ADAMTSL1: variants seen among roughly 807,000 people sequenced by gnomAD.
ADAMTSL1 encodes the protein ADAMTS like 1.
Under a neutral mutation model 201.8 loss-of-function variants are expected in ADAMTSL1, and 126 were observed. That is an observed-to-expected ratio of 0.62 (90% CI 0.54 to 0.72). The LOEUF is 0.72. ADAMTSL1 is among the 30% of genes least tolerant of loss of function. ADAMTSL1 has a pLI of 0.00. For synonymous variants in ADAMTSL1, 1,121 were observed against 903.4 expected, an observed-to-expected ratio of 1.24 and a Z score of -4.32; for missense variants, 2,679 against 2,277.8, an observed-to-expected ratio of 1.18 and a Z score of -3.59.
intron 16 of ADAMTSL1, among the ~76,000 whole-genome samples, chr9:18,762,238 G>A (rs1419508723): frequency 6.6e-6 from 1 of 152,150 alleles, no homozygotes; most frequent in Non-Finnish European, 1.5e-5. Context: ...TAAACAATGA[G>A]CCCTTATAGA....
intron 5 of ADAMTSL1, among the ~76,000 whole-genome samples, chr9:18,632,422 G>T (rs903674555): frequency 5.3e-5 from 8 of 152,116 alleles, no homozygotes; most frequent in Non-Finnish European, 1.0e-4. Flanking sequence ...ATAAGAAAAA[G>T]TTTTTATGGA....
intron 2 of ADAMTSL1, among the ~76,000 whole-genome samples, chr9:18,254,344 G>GGTTTTTTTTT (rs1831585080): frequency 9.1e-5 from 5 of 55,086 alleles, no homozygotes; most frequent in Non-Finnish European, 1.9e-4. Context: ...TACTCTTTTT[G>GGTTTTTTTTT]GTTTTTTTTT....
chr9:18,744,188 T>C (rs942802332), intron 15 of ADAMTSL1, among the ~76,000 whole-genome samples: 2 of 152,272 alleles, frequency 1.3e-5, no homozygotes, highest in Admixed American at 1.3e-4. Context: ...GCACGTTTTC[T>C]GAACTCTTGC....
intron 13 of ADAMTSL1, among the ~76,000 whole-genome samples, chr9:18,690,825 A>G (rs1587908830): frequency 6.6e-6 from 1 of 152,198 alleles, no homozygotes; most frequent in African/African-American, 2.4e-5. Flanking sequence ...AGTGCTTAAT[A>G]TAATTTCTTG....
At chr9:18,570,379 T>G (rs1228377329) in intron 3 of ADAMTSL1, among the ~76,000 whole-genome samples, 1 of 152,250 alleles carries the variant, frequency 6.6e-6, no homozygotes, top group African/African-American at 2.4e-5. Flanking sequence ...GAGGCTACAA[T>G]GACTACTTGA....
chr9:18,660,441 C>G (rs1829007445), intron 8 of ADAMTSL1, among the ~76,000 whole-genome samples: 1 of 152,160 alleles, frequency 6.6e-6, no homozygotes, highest in African/African-American at 2.4e-5. Context: ...CATTTTTGCT[C>G]TAACTCTTCA....
chr9:18,593,083 C>T (rs1824030794), intron 4 of ADAMTSL1, among the ~76,000 whole-genome samples: 1 of 152,228 alleles, frequency 6.6e-6, no homozygotes, highest in Admixed American at 6.5e-5. Flanking sequence ...GGCAACTTTG[C>T]TGAATTTGTT....
chr9:18,442,737 C>T (rs1011087037), intron 2 of ADAMTSL1, among the ~76,000 whole-genome samples: 3 of 152,094 alleles, frequency 2.0e-5, no homozygotes, highest in African/African-American at 7.2e-5. Context: ...TATCTTTAAA[C>T]GTTTTAAGAA....
intron 20 of ADAMTSL1, among the ~76,000 whole-genome samples, chr9:18,810,721 G>C (rs1823447183): frequency 6.6e-6 from 1 of 152,076 alleles, no homozygotes; most frequent in Admixed American, 6.5e-5. Context: ...ATGAAGTTCT[G>C]TATTTTATTC....
intron 23 of ADAMTSL1, among the ~76,000 whole-genome samples, chr9:18,849,334 G>T (rs1052285705): frequency 3.3e-5 from 5 of 152,098 alleles, no homozygotes; most frequent in Non-Finnish European, 7.3e-5. Flanking sequence ...CCTATAGCCT[G>T]GATTTTTCTT....
At chr9:18,624,952 G>A (rs981641709) in intron 5 of ADAMTSL1, among the ~76,000 whole-genome samples, 39 of 152,164 alleles carry the variant, frequency 2.6e-4, no homozygotes, top group Non-Finnish European at 7.3e-5. Context: ...TATCAATAAA[G>A]CCCACCATAT....
intron 2 of ADAMTSL1, among the ~76,000 whole-genome samples, chr9:18,391,824 CTTTTT>C (rs11407945): frequency 8.6e-6 from 1 of 116,740 alleles, no homozygotes; most frequent in East Asian, 2.5e-4. Flanking sequence ...TCTTTTCTTT[CTTTTT>C]TTTTTTTTTT....
intron 1 of ADAMTSL1, among the ~76,000 whole-genome samples, chr9:18,483,601 G>A (rs374677000): frequency 1.3e-5 from 2 of 152,198 alleles, no homozygotes; most frequent in Non-Finnish European, 2.9e-5. Flanking sequence ...TCCAAGGCAG[G>A]TGGATCAGGA....
intron 2 of ADAMTSL1, among the ~76,000 whole-genome samples, chr9:18,180,859 G>C (rs1447368364): frequency 1.3e-5 from 2 of 152,130 alleles, no homozygotes; most frequent in African/African-American, 4.8e-5. Context: ...CAAAGCTGGA[G>C]GCATCACACT....
At chr9:18,474,420 AT>A in intron 1 of ADAMTSL1, 125 bp downstream of exon 1, 1 of 934,228 alleles carries the variant, frequency 1.1e-6, no homozygotes, top group Non-Finnish European at 1.7e-6. Flanking sequence ...AGGTAAAATA[AT>A]TTACACGATT....
intron 2 of ADAMTSL1, among the ~76,000 whole-genome samples, chr9:18,200,070 G>C (rs188571687): frequency 6.6e-6 from 1 of 152,104 alleles, no homozygotes. Context: ...TGTTGAGAGA[G>C]AAGAGGAACC....
chr9:18,490,203 G>A lies in ADAMTSL1; in HGVS notation c.64-14626G>A, dbSNP rs534732405. ...TGGCCAGAGCTGGAAGCAGGCTGGG[G>A]TCCCAGTTGTGTATCACATAGAAGA... On this transcript the variant is annotated intron_variant, in intron 1 of 28. Transcript: ENST00000380548. Among the ~76,000 whole-genome samples, 35 of 152,278 alleles carry A rather than the reference G, an allele frequency of 2.3e-4. No individual in the cohort carries two copies. The South Asian group carries it at 7.3e-3, about 32-fold the overall frequency.
intron 2 of ADAMTSL1, among the ~76,000 whole-genome samples, chr9:18,407,331 T>C (rs905793340): frequency 3.9e-5 from 6 of 152,138 alleles, no homozygotes; most frequent in African/African-American, 1.2e-4. Flanking sequence ...CCCAAAAGCA[T>C]GAGGGAACAT....
At chr9:17,932,763 T>A (rs1826848021) in intron 1 of ADAMTSL1, among the ~76,000 whole-genome samples, 1 of 152,198 alleles carries the variant, frequency 6.6e-6, no homozygotes, top group Admixed American at 6.5e-5. Context: ...ATCTGCTTAT[T>A]ACAATAGACT....
Sources: allele counts gnomAD v4.1 joint callset (sites outside exome capture counted in the v4.1 genomes callset), GRCh38; gene constraint gnomAD v4.1.1; transcripts MANE v1.5; gene names NCBI Gene and HGNC (gene_info 2026-07-23, HGNC 2026-07-21).